Variants in NT5DC3 observed in about 807,000 individuals in gnomAD.
NT5DC3 encodes the protein 5'-nucleotidase domain containing 3, also known as 5'-nucleotidase domain-containing protein 3.
In NT5DC3, 42 loss-of-function variants were observed where a neutral mutation model predicts 67.8. That is an observed-to-expected ratio of 0.62 (90% CI 0.48 to 0.80). NT5DC3 has a LOEUF of 0.80. Ranked by LOEUF, NT5DC3 falls within the 30% of genes least tolerant of loss-of-function variation. The pLI, the probability that NT5DC3 is intolerant of heterozygous loss-of-function variation, is 0.00. For missense variants in NT5DC3, 570 were observed against 696.4 expected (o/e 0.82, Z 2.04); for synonymous variants, 237 against 255.6 (o/e 0.93, Z 0.69).
chr12:103,785,749 TG>T, intron 11 of NT5DC3: 1 of 378,362 alleles, frequency 2.6e-6, no homozygotes, highest in Non-Finnish European at 4.8e-6. Context: ...AACCATGGTC[TG>T]TAAAAAAAAA....
chr12:103,766,492 T>G, downstream of NT5DC3: 4 of 835,996 alleles, frequency 4.8e-6, no homozygotes, highest in Non-Finnish European at 7.3e-6. Flanking sequence ...TTTCTGTGGG[T>G]GAGAGATGTG....
At chr12:103,761,712 C>A in the NT5DC3 span, among the ~76,000 whole-genome samples, 1 of 152,108 alleles carries the variant, frequency 6.6e-6, no homozygotes, top group South Asian at 2.1e-4. Context: ...TATGGTTTGG[C>A]CCCTCCACTT....
intron 2 of NT5DC3, among the ~76,000 whole-genome samples, chr12:103,814,026 A>C (rs1887143521): frequency 6.6e-6 from 1 of 152,250 alleles, no homozygotes; most frequent in South Asian, 2.1e-4. Flanking sequence ...TCTAACCATC[A>C]CAGTCAGACA....
chr12:103,808,300 C>T, intron 2 of NT5DC3, among the ~76,000 whole-genome samples: 1 of 152,218 alleles, frequency 6.6e-6, no homozygotes, highest in East Asian at 1.9e-4. Flanking sequence ...CCTGCTCTCC[C>T]CACTGCCCCT....
At chr12:103,752,214 T>C in the NT5DC3 span, among the ~76,000 whole-genome samples, 2 of 152,220 alleles carry the variant, frequency 1.3e-5, no homozygotes, top group African/African-American at 4.8e-5. Context: ...TAAATGATGA[T>C]AAAATATATT....
In NT5DC3 at chr12:103,814,948, T is replaced by G. The variant is rs778222801; in HGVS notation, c.382A>C (p.Asn128His). The change falls in exon 2 of 14, where the codon AAT becomes CAT. Residue 128 changes from asparagine to histidine, a missense_variant. By Grantham distance (68) the Asn-to-His change is moderately conservative. Around this residue, in one of 2 missense-constraint regions of NT5DC3, gnomAD observed 466 missense variants for 608.0 expected, o/e 0.77. Transcript: ENST00000392876. ...IFNAARDLLI[N>H]EHRYPAEIRK... ...CCCTGTGATCTTACCCGGTGTTCAT[T>G]GATGAGAAGGTCCCGTGCAGCATTA... 14 of 1,605,964 alleles carry G rather than the reference T, an allele frequency of 8.7e-6. No homozygotes were observed. The highest frequency in any genetic ancestry group is 1.2e-5 in the Non-Finnish European group (14 of 1,175,972).
chr12:103,787,454 T>A lies in NT5DC3; in HGVS notation c.1175A>T (p.Tyr392Phe). ...AGGGCCCCTCACCGCCAGGTCACTG[T>A]ATATATGGTCACCAAAATACAACAC... ...SRVLYFGDHI[Y>F]SDLADLTLKH... The change falls in exon 11 of 14, where the codon TAC becomes TTC. Residue 392 changes from tyrosine (Y) to phenylalanine (F), a missense_variant. Transcript: ENST00000392876. 6.2e-7 allele frequency: 1 copy of A among 1,600,398 alleles called. No homozygotes were observed.
At chr12:103,840,300 A>G (rs1888326193) in intron 1 of NT5DC3, among the ~76,000 whole-genome samples, 3 of 152,016 alleles carry the variant, frequency 2.0e-5, no homozygotes, top group African/African-American at 7.3e-5. Context: ...ACAGCCTTAG[A>G]ATCCCCTCCT....
intron 1 of NT5DC3, chr12:103,822,168 A>G (rs1887516446): frequency 6.6e-6 from 1 of 151,358 alleles, no homozygotes; most frequent in African/African-American, 2.4e-5. Context: ...TGAATAAAAC[A>G]TAACTTTCCA....
intron 9 of NT5DC3, among the ~76,000 whole-genome samples, chr12:103,790,953 T>G (rs990131487): frequency 2.6e-5 from 4 of 152,102 alleles, no homozygotes; most frequent in Non-Finnish European, 5.9e-5. Flanking sequence ...CCTCCCAAAG[T>G]GCTGGGATTA....
chr12:103,822,477 C>A (rs1360508477), intron 1 of NT5DC3, among the ~76,000 whole-genome samples: 1 of 152,222 alleles, frequency 6.6e-6, no homozygotes, highest in Non-Finnish European at 1.5e-5. Flanking sequence ...GATGTCTCAA[C>A]AGGTGGAATT....
chr12:103,751,774 A>T, the NT5DC3 span, among the ~76,000 whole-genome samples: 1 of 152,162 alleles, frequency 6.6e-6, no homozygotes, highest in Non-Finnish European at 1.5e-5. Context: ...CAGACCATAG[A>T]GTGTGGTCCA....
intron 10 of NT5DC3, among the ~76,000 whole-genome samples, chr12:103,787,858 A>G (rs1001758011): frequency 6.7e-6 from 1 of 149,536 alleles, no homozygotes; most frequent in Non-Finnish European, 1.5e-5. Flanking sequence ...GACAGCTGAC[A>G]TTATCTATTT....
the NT5DC3 span, chr12:103,755,732 C>A: frequency 6.2e-7 from 1 of 1,613,532 alleles, no homozygotes; most frequent in South Asian, 1.1e-5. Context: ...TGTACCATGT[C>A]TGCTTGGTTT....
intron 5 of NT5DC3, 112 bp from the exon 6 acceptor site, chr12:103,797,143 C>G: frequency 8.9e-7 from 1 of 1,128,294 alleles, no homozygotes; most frequent in Admixed American, 2.2e-5. Context: ...GAGATCCCAT[C>G]ATCAACACAA....
Position 103,774,903 on chromosome 12 carries a change from G to C in NT5DC3, c.*2926C>G, listed in dbSNP as rs777809080. On this transcript the variant is annotated 3_prime_UTR_variant, in exon 14 of 14. Transcript: ENST00000392876. ...CATGTACCAGTAGTCCCAGCTACTCGGGAGGCTGAGGCACGAAAATTGCTT... is the reference window on the plus strand; with the variant it reads ...CATGTACCAGTAGTCCCAGCTACTCCGGAGGCTGAGGCACGAAAATTGCTT... 1 of 151,710 alleles carries C rather than the reference G, an allele frequency of 6.6e-6. No individual in the cohort carries two copies. The highest frequency in any genetic ancestry group is 1.5e-5 in the Non-Finnish European group (1 of 68,028). The allele number at this position is 151,710 out of a possible 1,614,324, so 9.4% of individuals were successfully genotyped here.
At chr12:103,823,564 A>C (rs1426310475) in intron 1 of NT5DC3, among the ~76,000 whole-genome samples, 4 of 152,240 alleles carry the variant, frequency 2.6e-5, no homozygotes, top group African/African-American at 9.6e-5. Flanking sequence ...ACCAAATCTC[A>C]ACTTCTGTTT....
At chr12:103,787,571 A>C in intron 10 of NT5DC3, 44 bp from the exon 11 acceptor site, 11 of 1,163,154 alleles carry the variant, frequency 9.5e-6, no homozygotes, top group Non-Finnish European at 1.4e-5. Context: ...ACAGATAGAG[A>C]TCTGTCTAAC....
the NT5DC3 span, among the ~76,000 whole-genome samples, chr12:103,756,996 AATATAT>A: frequency 2.5e-4 from 14 of 56,358 alleles, no homozygotes; most frequent in Admixed American, 1.4e-3. Context: ...AAGGAGGGAA[AATATAT>A]ATATATATAT....
Sources: allele counts gnomAD v4.1 joint callset (sites outside exome capture counted in the v4.1 genomes callset), GRCh38; gene constraint gnomAD v4.1.1; regional missense constraint gnomAD v4.1.1; transcripts MANE v1.5; gene names NCBI Gene and HGNC (gene_info 2026-07-23, HGNC 2026-07-21).